STXBP5L: variants seen among roughly 807,000 people sequenced by gnomAD.
STXBP5L encodes syntaxin binding protein 5L.
In STXBP5L, 65 loss-of-function variants were observed where a neutral mutation model predicts 144.5. The ratio of observed to expected loss-of-function variants is 0.45; its 90% confidence interval spans 0.37 to 0.55. STXBP5L has a LOEUF of 0.55. STXBP5L is among the 20% of genes least tolerant of loss of function. The probability of loss-of-function intolerance (pLI) is 0.00; values close to 1 mark genes in which losing one functional copy is unlikely to be tolerated. For missense variants in STXBP5L, 1,298 were observed against 1,405.5 expected (o/e 0.92, Z 1.22); for synonymous variants, 505 against 469.6 (o/e 1.08, Z -0.97).
At chr3:121,039,428 G>A (rs759993256) in intron 3 of STXBP5L, among the ~76,000 whole-genome samples, 12 of 151,288 alleles carry the variant, frequency 7.9e-5, no homozygotes, top group East Asian at 3.9e-4. Flanking sequence ...TTCTACATAC[G>A]TTATAAACCA....
chr3:121,108,423 G>C (rs962894139), intron 5 of STXBP5L, among the ~76,000 whole-genome samples: 5 of 152,144 alleles, frequency 3.3e-5, no homozygotes, highest in Non-Finnish European at 7.4e-5. Context: ...TTAACATGAA[G>C]AGATGTTGAA....
At chr3:120,951,700 G>C (rs1248226765) in intron 2 of STXBP5L, among the ~76,000 whole-genome samples, 4 of 151,732 alleles carry the variant, frequency 2.6e-5, no homozygotes, top group Non-Finnish European at 5.9e-5. Flanking sequence ...CTTTTACACT[G>C]TTGTTGGGAC....
At chr3:121,280,439 T>C (rs2051020171) in intron 19 of STXBP5L, among the ~76,000 whole-genome samples, 2 of 152,046 alleles carry the variant, frequency 1.3e-5, no homozygotes, top group Middle Eastern at 3.4e-3. Context: ...ATGACCTTCC[T>C]GAAGGTATTT....
intron 20 of STXBP5L, among the ~76,000 whole-genome samples, chr3:121,363,930 A>T (rs2045790055): frequency 6.6e-6 from 1 of 152,154 alleles, no homozygotes; most frequent in African/African-American, 2.4e-5. Flanking sequence ...ATTCCAGATA[A>T]TAATAGTCCC....
chr3:121,100,559 C>T (rs1305069244), intron 5 of STXBP5L, among the ~76,000 whole-genome samples: 1 of 152,016 alleles, frequency 6.6e-6, no homozygotes, highest in Non-Finnish European at 1.5e-5. Context: ...AAAACAGAGA[C>T]ATGACTTACT....
intron 20 of STXBP5L, among the ~76,000 whole-genome samples, chr3:121,365,020 G>A (rs1002491590): frequency 6.6e-6 from 1 of 151,322 alleles, no homozygotes; most frequent in Non-Finnish European, 1.5e-5. Flanking sequence ...GAGTCTGCTT[G>A]GTATATTTAT....
At chr3:121,140,994 G>T (rs561529536) in intron 7 of STXBP5L, among the ~76,000 whole-genome samples, 1 of 152,022 alleles carries the variant, frequency 6.6e-6, no homozygotes, top group Non-Finnish European at 1.5e-5. Context: ...TGTGTTATAT[G>T]TGATAAAAAC....
intron 3 of STXBP5L, among the ~76,000 whole-genome samples, chr3:121,037,768 A>G (rs747151288): frequency 1.3e-5 from 2 of 151,986 alleles, no homozygotes; most frequent in Non-Finnish European, 2.9e-5. Context: ...CATAGATTTT[A>G]TTTTATAAGT....
intron 3 of STXBP5L, among the ~76,000 whole-genome samples, chr3:120,999,451 A>T (rs978854779): frequency 2.6e-5 from 4 of 152,070 alleles, no homozygotes; most frequent in Admixed American, 1.3e-4. Context: ...CTTTAATTTG[A>T]TCCTATGTGT....
In STXBP5L at chr3:121,160,275, T is replaced by C. The variant is rs1228842934; in HGVS notation, c.877+2648T>C. Among the ~76,000 whole-genome samples, 3 of 152,272 alleles carry C rather than the reference T, an allele frequency of 2.0e-5. No individual in the cohort carries two copies. The East Asian group carries it at 5.8e-4, about 29-fold the overall frequency. The stretch of plus-strand genomic sequence containing the variant: ...ATTCTGCCCATTTTTGCTTTATTTA[T>C]TTTGGGGATCTATTATTAGGCATCC... On this transcript the variant is annotated intron_variant, in intron 9 of 26. Coordinates refer to ENST00000471454, the MANE Select transcript of STXBP5L (RefSeq NM_001308330.2).
chr3:121,064,345 T>A (rs1422072642), intron 5 of STXBP5L, among the ~76,000 whole-genome samples: 1 of 152,188 alleles, frequency 6.6e-6, no homozygotes, highest in African/African-American at 2.4e-5. Flanking sequence ...AGTACCTCAG[T>A]TCAAAATGCA....
chr3:121,201,930 A>G (rs1406749262), intron 9 of STXBP5L, among the ~76,000 whole-genome samples: 1 of 152,010 alleles, frequency 6.6e-6, no homozygotes, highest in Non-Finnish European at 1.5e-5. Flanking sequence ...TAATTCTTGT[A>G]TTTTTAGTAA....
intron 4 of STXBP5L, among the ~76,000 whole-genome samples, chr3:121,042,954 T>C (rs775085965): frequency 4.6e-5 from 7 of 151,824 alleles, no homozygotes; most frequent in Non-Finnish European, 7.4e-5. Flanking sequence ...TAGTTCCTTG[T>C]TGAGGGATCT....
chr3:121,228,571 A>G (rs780144930), intron 11 of STXBP5L, among the ~76,000 whole-genome samples: 1 of 152,226 alleles, frequency 6.6e-6, no homozygotes, highest in Middle Eastern at 3.2e-3. Flanking sequence ...TTGCAATCTT[A>G]CTAAAAGCAA....
intron 5 of STXBP5L, among the ~76,000 whole-genome samples, chr3:121,058,364 C>T (rs546542494): frequency 1.3e-5 from 2 of 152,172 alleles, no homozygotes; most frequent in African/African-American, 2.4e-5. Context: ...TTTACTTTAT[C>T]CAGTCTATCA....
rs1275456026 is a variant in STXBP5L at position 121,020,397 on chromosome 3, C to T, written c.288-21303C>T. On this transcript the variant is annotated intron_variant, in intron 3 of 26. Coordinates refer to ENST00000471454, the MANE Select transcript of STXBP5L (RefSeq NM_001308330.2). Reference sequence around the variant, plus strand: ...TGCTAGAGATCTAGACATCCAAATACGAGAAGCTCAAAGAACACCTGGGAA... The same window carrying T: ...TGCTAGAGATCTAGACATCCAAATATGAGAAGCTCAAAGAACACCTGGGAA... 5.3e-5 allele frequency among the ~76,000 whole-genome samples: 8 copies of T among 152,026 alleles called. No individual in the cohort carries two copies. In the East Asian group the frequency reaches 1.4e-3, roughly 26 times the overall value.
chr3:121,084,829 C>A (rs2042413639), intron 5 of STXBP5L, among the ~76,000 whole-genome samples: 1 of 152,156 alleles, frequency 6.6e-6, no homozygotes, highest in Non-Finnish European at 1.5e-5. Flanking sequence ...ACATTCCCAC[C>A]AGCAGAGTAA....
intron 2 of STXBP5L, among the ~76,000 whole-genome samples, chr3:120,942,913 T>A (rs1710641972): frequency 1.3e-5 from 2 of 151,600 alleles, no homozygotes; most frequent in African/African-American, 4.8e-5. Context: ...ATTTCACATA[T>A]TTACCTGGTT....
Position 121,061,672 on chromosome 3 carries a change from T to A in STXBP5L, c.470+16137T>A, listed in dbSNP as rs1186070136. Among the ~76,000 whole-genome samples, 4 of 152,208 alleles carry A rather than the reference T, an allele frequency of 2.6e-5. No homozygotes were observed. The East Asian group carries it at 5.8e-4, about 22-fold the overall frequency. On this transcript the variant is annotated intron_variant, in intron 5 of 26. Transcript: ENST00000471454. ...TGCTCCTGTATGTGGTGCAGATATATTTAGGATAGTTAGCTCTTCTTGTTG... is the reference window on the plus strand; with the variant it reads ...TGCTCCTGTATGTGGTGCAGATATAATTAGGATAGTTAGCTCTTCTTGTTG...
Sources: allele counts gnomAD v4.1 joint callset (sites outside exome capture counted in the v4.1 genomes callset), GRCh38; gene constraint gnomAD v4.1.1; transcripts MANE v1.5; gene names NCBI Gene and HGNC (gene_info 2026-07-23, HGNC 2026-07-21).